The following TAOK1 variants were observed in gnomAD, a reference collection of about 807,000 sequenced individuals.
The protein encoded by TAOK1 is serine/threonine-protein kinase TAO1.
A neutral mutation model predicts 138.3 loss-of-function variants in TAOK1; 21 were observed. The ratio of observed to expected loss-of-function variants is 0.15; its 90% CI spans 0.11 to 0.22. TAOK1 has a LOEUF of 0.22. TAOK1 is among the 10% of genes least tolerant of loss of function. The pLI, the probability that TAOK1 is intolerant of heterozygous loss-of-function variation, is 1.00. For missense variants in TAOK1, 651 were observed against 1,227.7 expected (o/e 0.53, Z 7.02); for synonymous variants, 361 against 398.4 (o/e 0.91, Z 1.12).
intron 2 of TAOK1, among the ~76,000 whole-genome samples, chr17:29,453,352 C>T (rs865901346): frequency 2.0e-5 from 3 of 151,502 alleles, no homozygotes; most frequent in South Asian, 2.1e-4. Flanking sequence ...GTAGAGACAG[C>T]GTTTCACCGT....
At chr17:29,461,750 A>AT (rs34869792) in intron 2 of TAOK1, among the ~76,000 whole-genome samples, 5,600 of 147,032 alleles carry the variant, frequency 0.038, 297 homozygotes, top group African/African-American at 0.13. Context: ...AGAGAGCGAA[A>AT]TTTTTTTTTT....
intron 1 of TAOK1, chr17:29,425,003 A>G (rs974614862): frequency 6.6e-6 from 1 of 152,236 alleles, no homozygotes; most frequent in Non-Finnish European, 1.5e-5. Context: ...TGTCTCCATT[A>G]TAACAACCAG....
intron 1 of TAOK1, among the ~76,000 whole-genome samples, chr17:29,399,819 C>G (rs958865548): frequency 6.6e-6 from 1 of 152,040 alleles, no homozygotes; most frequent in Admixed American, 6.6e-5. Flanking sequence ...CAGCCTCAAT[C>G]TTCTGGACTT....
At chr17:29,532,490 T>G (rs975053923) in intron 18 of TAOK1, among the ~76,000 whole-genome samples, 5 of 152,184 alleles carry the variant, frequency 3.3e-5, no homozygotes, top group Admixed American at 6.5e-5. Flanking sequence ...AGAGGACCCT[T>G]CGGCCTTCCC....
intron 2 of TAOK1, among the ~76,000 whole-genome samples, chr17:29,458,774 A>C (rs2030457758): frequency 6.6e-6 from 1 of 152,178 alleles, no homozygotes; most frequent in Non-Finnish European, 1.5e-5. Flanking sequence ...GCCCCACTGC[A>C]ACCTCTGCCT....
chr17:29,397,535 G>A (rs1002484330), intron 1 of TAOK1, among the ~76,000 whole-genome samples: 29 of 147,108 alleles, frequency 2.0e-4, no homozygotes, highest in South Asian at 1.7e-3. Context: ...CTCAGCAGGC[G>A]GAGGTTGCAG....
chr17:29,456,355 GA>G (rs201204953), intron 2 of TAOK1, among the ~76,000 whole-genome samples: 5 of 146,726 alleles, frequency 3.4e-5, no homozygotes, highest in South Asian at 2.1e-4. Flanking sequence ...CTGTCTCCGG[GA>G]AAAAAAAAAT....
At chr17:29,522,177 CAG>C in intron 16 of TAOK1, 101 bp from the exon 17 acceptor site, 3 of 1,415,576 alleles carry the variant, frequency 2.1e-6, no homozygotes, top group Non-Finnish European at 2.9e-6. Context: ...AATTGAATAA[CAG>C]GGTTAATTAC....
chr17:29,396,842 A>G (rs1444962733), intron 1 of TAOK1, among the ~76,000 whole-genome samples: 3 of 151,086 alleles, frequency 2.0e-5, no homozygotes, highest in Admixed American at 6.6e-5. Flanking sequence ...AATACAAAAA[A>G]TTAGCTGGGC....
At chr17:29,514,831 A>AG (rs2031784042) in intron 15 of TAOK1, 1 of 144,696 alleles carries the variant, frequency 6.9e-6, no homozygotes, top group Non-Finnish European at 1.5e-5. Context: ...GTGTCTAGCA[A>AG]AAAAAAAAAA....
At chr17:29,455,696 C>A (rs535824536) in intron 2 of TAOK1, among the ~76,000 whole-genome samples, 3 of 147,912 alleles carry the variant, frequency 2.0e-5, no homozygotes, top group Non-Finnish European at 4.4e-5. Context: ...TGGATTCTGT[C>A]AAATGCCTTT....
intron 16 of TAOK1, among the ~76,000 whole-genome samples, chr17:29,518,754 A>AT (rs374267651): frequency 0.31 from 34,133 of 110,932 alleles, 4,210 homozygotes; most frequent in Non-Finnish European, 0.36. Context: ...TTTTTACTTT[A>AT]TCTATTTATT....
chr17:29,402,309 T>C (rs1038529943), intron 1 of TAOK1, among the ~76,000 whole-genome samples: 1 of 151,934 alleles, frequency 6.6e-6, no homozygotes, highest in Non-Finnish European at 1.5e-5. Context: ...AGACTTTCTA[T>C]TTAATTTTTT....
Position 29,480,476 on chromosome 17 carries a change from G to A in TAOK1, c.558G>A (p.Pro186=), listed in dbSNP as rs373849651. ...CTGCCAATTCCTTTGTGGGAACGCC[G>A]TATTGGTAAGAATAGTTAAAGCAGT... ...ASPANSFVGT[P]YWMAPEVILA... is the part of the protein sequence containing the mutation. The change falls in exon 7 of 20, where the codon CCG becomes CCA. Residue 186 remains proline, a synonymous_variant. Coordinates refer to ENST00000261716, the MANE Select transcript of TAOK1 (RefSeq NM_020791.4). The A allele has an allele frequency of 8.4e-5, 135 of 1,611,340 alleles. No homozygotes were observed. Among genetic ancestry groups the A allele is most frequent in the Middle Eastern group, 1.6e-4 (1 of 6,076 alleles).
intron 1 of TAOK1, among the ~76,000 whole-genome samples, chr17:29,414,272 G>A (rs574710746): frequency 7.9e-5 from 12 of 151,540 alleles, no homozygotes; most frequent in East Asian, 2.0e-4. Flanking sequence ...TATTTGATAC[G>A]GAGTCTTGCT....
intron 2 of TAOK1, among the ~76,000 whole-genome samples, chr17:29,451,897 G>A (rs1213110583): frequency 6.6e-6 from 1 of 152,114 alleles, no homozygotes; most frequent in Non-Finnish European, 1.5e-5. Flanking sequence ...TGAACTTCTT[G>A]GATTATTGAA....
intron 12 of TAOK1, among the ~76,000 whole-genome samples, chr17:29,501,238 A>AAG (rs1555565602): frequency 2.1e-5 from 3 of 142,326 alleles, no homozygotes; most frequent in Non-Finnish European, 3.0e-5. Flanking sequence ...AAAAAAAAAA[A>AAG]AAAAGAAAAG....
rs762097008 is a variant in TAOK1, at chr17:29,547,287, G to A, written c.*4265G>A. 1 of 152,086 alleles carries A rather than the reference G, an allele frequency of 6.6e-6. No homozygotes were observed. The highest frequency in any genetic ancestry group is 1.5e-5 in the Non-Finnish European group (1 of 67,994). The allele number at this position is 152,086 out of a possible 1,614,324, so 9.4% of individuals were successfully genotyped here. A position where few individuals can be genotyped will look rare whatever the true frequency, so the allele number is the denominator to read the frequency against. ...AGCCAAGAAAGGAATTACTGCTAAA[G>A]CATCTAAGATTCTCCTGAACTGTAA... On this transcript the variant is annotated 3_prime_UTR_variant, in exon 20 of 20. Coordinates refer to ENST00000261716, the MANE Select transcript of TAOK1 (RefSeq NM_020791.4).
At chr17:29,451,901 T>C (rs1041795972) in intron 2 of TAOK1, among the ~76,000 whole-genome samples, 1 of 152,122 alleles carries the variant, frequency 6.6e-6, no homozygotes, top group African/African-American at 2.4e-5. Flanking sequence ...CTTCTTGGAT[T>C]ATTGAAAAAA....
Sources: gnomAD v4.1 joint callset for allele counts (sites outside exome capture counted in the v4.1 genomes callset) on GRCh38, gnomAD v4.1.1 for gene constraint, MANE v1.5 for transcripts, NCBI Gene and HGNC (gene_info 2026-07-23, HGNC 2026-07-21) for gene names.